The following RGS6 variants were observed in gnomAD, a reference collection of about 807,000 sequenced individuals.
The protein encoded by RGS6 is regulator of G protein signaling 6.
In RGS6, 30 loss-of-function variants were observed where a neutral mutation model predicts 78.5. The ratio of observed to expected loss-of-function variants is 0.38; its 90% CI spans 0.29 to 0.52. The LOEUF (loss-of-function observed/expected upper bound fraction) is 0.52, where lower values mean the gene tolerates loss of function less well. RGS6 is among the 20% of genes least tolerant of loss of function. RGS6 has a pLI of 0.85. For synonymous variants in RGS6, 206 were observed against 206.0 expected, an observed-to-expected ratio of 1.00 and a Z score of 0.00; for missense variants, 495 against 609.7, an observed-to-expected ratio of 0.81 and a Z score of 1.98.
intron 2 of RGS6, among the ~76,000 whole-genome samples, chr14:72,126,506 C>T (rs181768994): frequency 5.1e-4 from 78 of 152,320 alleles, no homozygotes; most frequent in Middle Eastern, 3.4e-3. Flanking sequence ...CACATAGAGC[C>T]GTTGGTTAAG....
intron 2 of RGS6, among the ~76,000 whole-genome samples, chr14:71,966,643 GA>G (rs200696110): frequency 6.6e-5 from 10 of 150,460 alleles, no homozygotes; most frequent in Middle Eastern, 3.4e-3. Context: ...TCTGTAAAAA[GA>G]AAAAAAAATG....
intron 2 of RGS6, among the ~76,000 whole-genome samples, chr14:72,142,108 G>C (rs1196929956): frequency 1.3e-5 from 2 of 151,996 alleles, no homozygotes; most frequent in African/African-American, 4.8e-5. Flanking sequence ...ACTGTTAACG[G>C]TGCTGAGTTC....
At chr14:71,971,784 G>T (rs1298013161) in intron 2 of RGS6, among the ~76,000 whole-genome samples, 1 of 152,096 alleles carries the variant, frequency 6.6e-6, no homozygotes, top group Non-Finnish European at 1.5e-5. Context: ...ACTGTTGGCT[G>T]GATTCAGCTC....
intron 2 of RGS6, among the ~76,000 whole-genome samples, chr14:71,982,103 C>T (rs1298138135): frequency 6.6e-6 from 1 of 152,272 alleles, no homozygotes; most frequent in African/African-American, 2.4e-5. Flanking sequence ...TCCCTGACCC[C>T]TTGCGCTTCC....
the RGS6 span, among the ~76,000 whole-genome samples, chr14:71,867,876 G>A: frequency 1.3e-5 from 2 of 152,114 alleles, 1 homozygote; most frequent in South Asian, 4.1e-4. Flanking sequence ...GCCTCCCAGG[G>A]AGGGCAGCTT....
At chr14:72,212,254 T>C (rs1445816577) in intron 2 of RGS6, among the ~76,000 whole-genome samples, 1 of 152,184 alleles carries the variant, frequency 6.6e-6, no homozygotes, top group East Asian at 1.9e-4. Flanking sequence ...GGGCAATGCT[T>C]TGGGGACATG....
At chr14:72,247,573 C>A (rs1356838) in intron 2 of RGS6, among the ~76,000 whole-genome samples, 2 of 152,226 alleles carry the variant, frequency 1.3e-5, no homozygotes, top group Admixed American at 1.3e-4. Flanking sequence ...TGGTTTCACC[C>A]GTAAAATACT....
At chr14:72,164,349 G>GT (rs551369106) in intron 2 of RGS6, among the ~76,000 whole-genome samples, 249 of 152,320 alleles carry the variant, frequency 1.6e-3, no homozygotes, top group Middle Eastern at 3.4e-3. Flanking sequence ...ACCCTGTGAA[G>GT]TGGAGCTCAG....
intron 3 of RGS6, among the ~76,000 whole-genome samples, chr14:72,425,056 A>T (rs1402860941): frequency 6.6e-6 from 1 of 152,248 alleles, no homozygotes; most frequent in Non-Finnish European, 1.5e-5. Context: ...TAATGAAAGC[A>T]CATCCCTTAA....
At chr14:72,057,451 C>T (rs957331575) in intron 2 of RGS6, among the ~76,000 whole-genome samples, 2 of 151,062 alleles carry the variant, frequency 1.3e-5, no homozygotes, top group Admixed American at 1.3e-4. Context: ...TCTGTGGTTA[C>T]ACTCTTACTC....
intron 2 of RGS6, among the ~76,000 whole-genome samples, chr14:72,046,721 G>A (rs996149230): frequency 6.6e-6 from 1 of 151,190 alleles, no homozygotes; most frequent in African/African-American, 2.4e-5. Flanking sequence ...ATTAGCATTA[G>A]AAGTATTCCT....
intron 2 of RGS6, among the ~76,000 whole-genome samples, chr14:71,974,631 A>G (rs1171585336): frequency 6.6e-6 from 1 of 152,232 alleles, no homozygotes; most frequent in East Asian, 1.9e-4. Context: ...GTTAGGGAGA[A>G]TATTCTTTAT....
At chr14:72,504,023 T>C (rs1027202259) in intron 13 of RGS6, among the ~76,000 whole-genome samples, 1 of 152,198 alleles carries the variant, frequency 6.6e-6, no homozygotes, top group Non-Finnish European at 1.5e-5. Context: ...TCTACCTAAA[T>C]TGAAGAGACG....
At position 72,540,664 on chromosome 14, in the gene RGS6, AGT is replaced by A; in HGVS notation, c.1422+571_1422+572del. On this transcript the variant is annotated intron_variant, in intron 17 of 17. Transcript: ENST00000553525. ...CGTGTGTGTTAGTCGCCTCTGCATG[AGT>A]CCCTTCCAGCCCCCATCAGCCTCAT... 4 of 1,391,360 alleles carry A rather than the reference AGT, an allele frequency of 2.9e-6. No homozygotes were observed. The South Asian group carries it at 3.4e-5, about 12-fold the overall frequency. The allele number at this position is 1,391,360 out of a possible 1,614,324, so 86.2% of individuals were successfully genotyped here. A position where few individuals can be genotyped will look rare whatever the true frequency, so the allele number is the denominator to read the frequency against.
chr14:72,528,994 G>A (rs2097150535), intron 15 of RGS6, among the ~76,000 whole-genome samples: 1 of 152,218 alleles, frequency 6.6e-6, no homozygotes, highest in South Asian at 2.1e-4. Context: ...AAGACCCTGA[G>A]TCCAATCTTA....
chr14:72,530,197 T>C (rs2097165132), intron 15 of RGS6, among the ~76,000 whole-genome samples: 6 of 152,072 alleles, frequency 3.9e-5, no homozygotes. Context: ...TATTGTGAGA[T>C]ATTGAGAAGT....
intron 3 of RGS6, among the ~76,000 whole-genome samples, chr14:72,362,695 A>G (rs2081682093): frequency 6.6e-6 from 1 of 152,274 alleles, no homozygotes; most frequent in Non-Finnish European, 1.5e-5. Flanking sequence ...CCTAGGCTCC[A>G]GAACTCATAC....
At chr14:72,236,908 G>T (rs1356886526) in intron 2 of RGS6, among the ~76,000 whole-genome samples, 1 of 152,212 alleles carries the variant, frequency 6.6e-6, no homozygotes. Context: ...CTGCTTCCCA[G>T]ACGGGGCGGC....
intron 2 of RGS6, among the ~76,000 whole-genome samples, chr14:72,105,170 A>G (rs1485236145): frequency 1.3e-5 from 2 of 151,922 alleles, no homozygotes; most frequent in African/African-American, 4.8e-5. Flanking sequence ...TTGTACAAAG[A>G]CCTCCCTGGA....
Sources: allele counts gnomAD v4.1 joint callset (sites outside exome capture counted in the v4.1 genomes callset), GRCh38; gene constraint gnomAD v4.1.1; transcripts MANE v1.5; gene names NCBI Gene and HGNC (gene_info 2026-07-23, HGNC 2026-07-21).